The following SPATA6L variants were observed in gnomAD, a reference collection of about 807,000 sequenced individuals.
SPATA6L encodes the protein spermatogenesis associated 6-like protein.
SPATA6L carries 68 observed loss-of-function variants against 49.2 expected under a neutral mutation model. That is an observed-to-expected ratio of 1.38 (90% CI 1.14 to 1.69). SPATA6L has a LOEUF of 1.69. Among genes scored for constraint, SPATA6L ranks in the 40% most tolerant of loss-of-function variants. The pLI, the probability that SPATA6L is intolerant of heterozygous loss-of-function variation, is 0.00. For synonymous variants in SPATA6L, 198 were observed against 165.7 expected (o/e 1.19, Z -1.50); for missense variants, 668 against 464.3 (o/e 1.44, Z -4.03).
chr9:4,645,087 T>C (rs543716854), intron 3 of SPATA6L, among the ~76,000 whole-genome samples: 1 of 152,346 alleles, frequency 6.6e-6, no homozygotes, highest in African/African-American at 2.4e-5. Flanking sequence ...GAAATTTGAA[T>C]TTCATATAAT....
At chr9:4,605,693 T>C (rs1824632673) in intron 9 of SPATA6L, among the ~76,000 whole-genome samples, 1 of 152,230 alleles carries the variant, frequency 6.6e-6, no homozygotes, top group Admixed American at 6.5e-5. Flanking sequence ...CTTTTCTTCT[T>C]TGTACTTTCC....
intron 1 of SPATA6L, chr9:4,664,270 C>T (rs1840511194): frequency 1.2e-5 from 2 of 167,080 alleles, no homozygotes; most frequent in South Asian, 4.1e-4. Flanking sequence ...GCTCCTCTTT[C>T]AGGGTAATAA....
At chr9:4,608,015 C>T (rs1471628218) in intron 9 of SPATA6L, among the ~76,000 whole-genome samples, 3 of 151,018 alleles carry the variant, frequency 2.0e-5, no homozygotes, top group Non-Finnish European at 4.4e-5. Context: ...ATAAAACAGA[C>T]TTTAAACCAA....
At chr9:4,643,256 T>C (rs145916959) in intron 3 of SPATA6L, among the ~76,000 whole-genome samples, 2 of 152,320 alleles carry the variant, frequency 1.3e-5, no homozygotes, top group South Asian at 2.1e-4. Flanking sequence ...TCCGCCCACC[T>C]TGGCCTCCCC....
At position 4,625,326 on chromosome 9, in the gene SPATA6L, C is replaced by A; in HGVS notation, c.669+1G>T. On this transcript the variant is annotated splice_donor_variant, in intron 6 of 11. Coordinates refer to ENST00000682582, the MANE Select transcript of SPATA6L (RefSeq NM_001353486.2). LOFTEE classifies it high-confidence loss of function. ...GCTCTAAAAAATAATTTTAGGCTCA[C>A]GTGTCTAACAACAAATGGAGGCTTG... The A allele has an allele frequency of 6.2e-7, 1 of 1,611,322 alleles. No individual in the cohort carries two copies. Among genetic ancestry groups the A allele is most frequent in the African/African-American group, 1.3e-5 (1 of 74,882 alleles).
rs1405099787 is a variant in SPATA6L, at chr9:4,648,613, T to A, written c.226+7428A>T. On this transcript the variant is annotated intron_variant, in intron 3 of 11. Transcript: ENST00000682582. ...TACGCGGGAGGCTGAGGCAGGAGAA[T>A]GGCGTGAACCCGGGAGGCAGAGCTT... 4.3e-4 allele frequency among the ~76,000 whole-genome samples: 65 copies of A among 151,568 alleles called. 1 individual carries two copies. Among genetic ancestry groups the A allele is most frequent in the Admixed American group, 4.2e-3 (64 of 15,230 alleles).
chr9:4,655,298 T>C (rs1173588921), intron 3 of SPATA6L, among the ~76,000 whole-genome samples: 1 of 152,158 alleles, frequency 6.6e-6, no homozygotes, highest in Non-Finnish European at 1.5e-5. Context: ...AAGGAGCACA[T>C]GTTGTATAAT....
At chr9:4,622,598 A>C in intron 6 of SPATA6L, 88 bp from the exon 7 acceptor site, 3 of 873,168 alleles carry the variant, frequency 3.4e-6, no homozygotes, top group Non-Finnish European at 5.5e-6. Flanking sequence ...CTCCCCCTCA[A>C]TCACTGATTA....
chr9:4,627,945 G>C, intron 5 of SPATA6L: 1 of 545,502 alleles, frequency 1.8e-6, no homozygotes, highest in Non-Finnish European at 3.0e-6. Flanking sequence ...TTTATGTCTT[G>C]CAACAACGTG....
chr9:4,665,583 G>A (rs1840739783), intron 1 of SPATA6L, among the ~76,000 whole-genome samples: 1 of 152,200 alleles, frequency 6.6e-6, no homozygotes, highest in Non-Finnish European at 1.5e-5. Context: ...AAAGCGGCAT[G>A]ATATTCTGTT....
Position 4,639,495 on chromosome 9 carries a change from G to A in SPATA6L, c.227-4096C>T, listed in dbSNP as rs954986684. ...GTTAGACAAATAAATAGAAGGCTAT[G>A]AAGCTTCTCAAGACAGTCTCTCTGG... On this transcript the variant is annotated intron_variant, in intron 3 of 11. Transcript: ENST00000682582. 3.3e-5 allele frequency among the ~76,000 whole-genome samples: 5 copies of A among 152,342 alleles called. No individual in the cohort carries two copies. The South Asian group carries it at 8.3e-4, about 25-fold the overall frequency.
At chr9:4,653,961 A>C (rs1281230169) in intron 3 of SPATA6L, among the ~76,000 whole-genome samples, 1 of 152,164 alleles carries the variant, frequency 6.6e-6, no homozygotes, top group Non-Finnish European at 1.5e-5. Flanking sequence ...AATAAAGACA[A>C]ATGACCCCAT....
chr9:4,643,458 A>C (rs1236745407), intron 3 of SPATA6L, among the ~76,000 whole-genome samples: 1 of 152,172 alleles, frequency 6.6e-6, no homozygotes, highest in Non-Finnish European at 1.5e-5. Flanking sequence ...TAGTAATTCT[A>C]TTATTTGTAA....
chr9:4,651,124 T>G (rs1483595463), intron 3 of SPATA6L, among the ~76,000 whole-genome samples: 1 of 152,100 alleles, frequency 6.6e-6, no homozygotes. Flanking sequence ...CACCTCAGCC[T>G]CCTGAGAAGC....
chr9:4,596,448 G>C (rs148017636), downstream of SPATA6L: 3 of 152,068 alleles, frequency 2.0e-5, no homozygotes, highest in Non-Finnish European at 4.4e-5. Flanking sequence ...CACTGCCTAC[G>C]GTCTGTTCCT....
intron 4 of SPATA6L, 100 bp from the exon 5 acceptor site, chr9:4,629,268 G>C (rs1406865866): frequency 1.4e-6 from 1 of 727,602 alleles, no homozygotes; most frequent in Non-Finnish European, 2.3e-6. Context: ...CTGCTCTTCT[G>C]TGTGGCATAA....
intron 4 of SPATA6L, among the ~76,000 whole-genome samples, chr9:4,632,064 C>T (rs1831694682): frequency 8.1e-6 from 1 of 122,944 alleles, no homozygotes; most frequent in South Asian, 2.6e-4. Context: ...TTTTGAGATG[C>T]AGTCTCACTC....
intron 5 of SPATA6L, chr9:4,626,632 C>A: frequency 2.6e-6 from 3 of 1,156,570 alleles, no homozygotes; most frequent in South Asian, 2.9e-5. Flanking sequence ...TTTCTTTCAA[C>A]CCCTGTTTAG....
intron 3 of SPATA6L, among the ~76,000 whole-genome samples, chr9:4,639,558 G>A (rs906349049): frequency 1.4e-4 from 21 of 152,176 alleles, no homozygotes; most frequent in African/African-American, 5.1e-4. Context: ...GCCACCAAGT[G>A]TGAAAACGTC....
Sources: gnomAD v4.1 joint callset for allele counts (sites outside exome capture counted in the v4.1 genomes callset) on GRCh38, gnomAD v4.1.1 for gene constraint, MANE v1.5 for transcripts, NCBI Gene and HGNC (gene_info 2026-07-23, HGNC 2026-07-21) for gene names.